The following SHLD1 variants were observed in gnomAD, a reference collection of about 807,000 sequenced individuals.
SHLD1 encodes the protein shieldin complex subunit 1, also known as RINN1-REV7-interacting novel NHEJ regulator 3.
Under a neutral mutation model 5.5 loss-of-function variants are expected in SHLD1, and 3 were observed. The ratio of observed to expected loss-of-function variants is 0.54; its 90% CI spans 0.25 to 1.40. The LOEUF (loss-of-function observed/expected upper bound fraction) is 1.40, where lower values mean the gene tolerates loss of function less well. SHLD1 is among the 40% of genes most tolerant of loss of function. The pLI is 0.15. For synonymous variants in SHLD1, 92 were observed against 94.3 expected (o/e 0.98, Z 0.14); for missense variants, 210 against 244.4 (o/e 0.86, Z 0.94).
chr20:5,762,713 G>A (rs370345082), intron 1 of SHLD1, among the ~76,000 whole-genome samples: 1 of 152,052 alleles, frequency 6.6e-6, no homozygotes, highest in East Asian at 1.9e-4. Context: ...GGTGGCTCAC[G>A]TCTGTAATCC....
intron 2 of SHLD1, among the ~76,000 whole-genome samples, chr20:5,793,726 AT>A (rs1261743451): frequency 6.6e-6 from 1 of 151,470 alleles, no homozygotes; most frequent in East Asian, 1.9e-4. Flanking sequence ...TCTCTCTGGT[AT>A]TTTTTTTCTT....
chr20:5,795,188 G>A (rs1001897395), intron 2 of SHLD1, among the ~76,000 whole-genome samples: 4 of 150,698 alleles, frequency 2.7e-5, no homozygotes, highest in East Asian at 3.9e-4. Context: ...GCAGTAAGCC[G>A]AGATCACACC....
At chr20:5,768,193 G>C (rs144202858) in intron 1 of SHLD1, among the ~76,000 whole-genome samples, 1 of 152,216 alleles carries the variant, frequency 6.6e-6, no homozygotes, top group East Asian at 1.9e-4. Flanking sequence ...AGACTGGTCT[G>C]AAACTGCTGA....
intron 2 of SHLD1, among the ~76,000 whole-genome samples, chr20:5,775,927 T>TTTTTTTTTTTTTTTG (rs1568496575): frequency 9.0e-6 from 1 of 111,204 alleles, no homozygotes; most frequent in Non-Finnish European, 1.8e-5. Flanking sequence ...CTCAGGATTT[T>TTTTTTTTTTTTTTTG]TTTTTTTTTT....
chr20:5,759,363 G>A (rs1380802134), intron 1 of SHLD1, among the ~76,000 whole-genome samples: 6 of 151,910 alleles, frequency 3.9e-5, no homozygotes, highest in East Asian at 3.8e-4. Flanking sequence ...GGCTTCAAGC[G>A]ATTCTCATGC....
At chr20:5,775,446 G>A (rs1985378743) in intron 2 of SHLD1, among the ~76,000 whole-genome samples, 1 of 152,140 alleles carries the variant, frequency 6.6e-6, no homozygotes, top group Non-Finnish European at 1.5e-5. Flanking sequence ...TTTATTGCCT[G>A]TTAGTTGACT....
chr20:5,821,844 C>G (rs1276783066), intron 2 of SHLD1, among the ~76,000 whole-genome samples: 1 of 152,158 alleles, frequency 6.6e-6, no homozygotes, highest in East Asian at 1.9e-4. Flanking sequence ...CTGTGGCAGT[C>G]AGCTTCCCCA....
intron 2 of SHLD1, among the ~76,000 whole-genome samples, chr20:5,797,671 G>T (rs2087232248): frequency 6.6e-6 from 1 of 152,200 alleles, no homozygotes; most frequent in South Asian, 2.1e-4. Context: ...ACAGTGATGG[G>T]CATGTAAAAT....
chr20:5,820,894 C>G (rs2087598532), intron 2 of SHLD1, among the ~76,000 whole-genome samples: 1 of 152,132 alleles, frequency 6.6e-6, no homozygotes, highest in Non-Finnish European at 1.5e-5. Flanking sequence ...ATATATTGTC[C>G]TAGATCTAGG....
intron 2 of SHLD1, among the ~76,000 whole-genome samples, chr20:5,844,791 A>T (rs376166807): frequency 0.024 from 2,408 of 98,438 alleles, 71 homozygotes; most frequent in East Asian, 0.12. Flanking sequence ...ATATATATAT[A>T]TATATATATT....
Position 5,863,519 on chromosome 20 carries a change from T to G in SHLD1, c.*56T>G. 1 of 1,499,508 alleles carries G rather than the reference T, an allele frequency of 6.7e-7. No homozygotes were observed. The highest frequency in any genetic ancestry group is 1.3e-5 in the South Asian group (1 of 76,226). 92.9% of individuals were successfully genotyped at this position (1,499,508 alleles called of 1,614,324 possible). On this transcript the variant is annotated 3_prime_UTR_variant, in exon 3 of 3. Coordinates refer to ENST00000303142, the MANE Select transcript of SHLD1 (RefSeq NM_152504.4). ...GGAGGTGCTGTGCCATGACCAGCAG[T>G]GTTGGTGGCCACCCAGATCCCCTAG...
At chr20:5,801,135 T>C (rs1403519179) in intron 2 of SHLD1, among the ~76,000 whole-genome samples, 1 of 149,910 alleles carries the variant, frequency 6.7e-6, no homozygotes, top group East Asian at 2.0e-4. Flanking sequence ...TGGAGTGCAG[T>C]GGTGCGATCT....
intron 1 of SHLD1, among the ~76,000 whole-genome samples, chr20:5,757,319 T>C (rs1417140964): frequency 1.3e-5 from 2 of 152,082 alleles, no homozygotes; most frequent in Admixed American, 1.3e-4. Flanking sequence ...TCAAGCAGTC[T>C]GTCCACCTTG....
chr20:5,816,890 C>T (rs2087537089), intron 2 of SHLD1, among the ~76,000 whole-genome samples: 1 of 152,032 alleles, frequency 6.6e-6, no homozygotes, highest in Admixed American at 6.6e-5. Context: ...GGCTACATGG[C>T]AACCCTGTCT....
chr20:5,750,508 T>TGGGGGGGGGGGGGGGGGGGGGGGGGGG (rs1600076697), intron 1 of SHLD1, 29 bp downstream of exon 1: 1 of 23,278 alleles, frequency 4.3e-5, no homozygotes, highest in Admixed American at 5.4e-4. Context: ...GGGGGGGGGT[T>TGGGGGGGGGGGGGGGGGGGGGGGGGGG]GGAGTGGTGG....
At chr20:5,861,085 A>G (rs1248502713) in intron 2 of SHLD1, among the ~76,000 whole-genome samples, 1 of 152,196 alleles carries the variant, frequency 6.6e-6, no homozygotes, top group Non-Finnish European at 1.5e-5. Flanking sequence ...AAGAAAGGCC[A>G]GTTGGCAGAG....
intron 1 of SHLD1, among the ~76,000 whole-genome samples, chr20:5,771,188 T>A (rs1985133963): frequency 6.6e-6 from 1 of 152,206 alleles, no homozygotes; most frequent in Admixed American, 6.5e-5. Context: ...CTTTTCATGC[T>A]TTATGCCCTG....
intron 2 of SHLD1, among the ~76,000 whole-genome samples, chr20:5,804,577 C>T (rs991512935): frequency 6.6e-6 from 1 of 152,152 alleles, no homozygotes; most frequent in Non-Finnish European, 1.5e-5. Flanking sequence ...TATGGCCTAA[C>T]ATAATATGTG....
At chr20:5,764,156 A>T (rs868069726) in intron 1 of SHLD1, among the ~76,000 whole-genome samples, 7 of 45,840 alleles carry the variant, frequency 1.5e-4, no homozygotes, top group Non-Finnish European at 2.1e-4. Flanking sequence ...ATATATTTAT[A>T]TTTATATATA....
Sources: gnomAD v4.1 joint callset for allele counts (sites outside exome capture counted in the v4.1 genomes callset) on GRCh38, gnomAD v4.1.1 for gene constraint, MANE v1.5 for transcripts, NCBI Gene and HGNC (gene_info 2026-07-23, HGNC 2026-07-21) for gene names.